The following OPN5 variants were observed in gnomAD, a reference collection of about 807,000 sequenced individuals.
OPN5 encodes opsin 5, also known as opsin-5.
A neutral mutation model predicts 41.7 loss-of-function variants in OPN5; 18 were observed. That is an observed-to-expected ratio of 0.43 (90% CI 0.30 to 0.64). The LOEUF is 0.64. Ranked by LOEUF, OPN5 falls within the 30% of genes least tolerant of loss-of-function variation. OPN5 has a pLI of 0.13. For synonymous variants in OPN5, 178 were observed against 164.3 expected (o/e 1.08, Z -0.64); for missense variants, 318 against 434.5 (o/e 0.73, Z 2.38).
intron 5 of OPN5, among the ~76,000 whole-genome samples, chr6:47,809,958 C>A (rs1181760205): frequency 6.6e-6 from 1 of 152,166 alleles, no homozygotes; most frequent in African/African-American, 2.4e-5. Context: ...GTAATTTTGC[C>A]TCAGACTGCC....
In OPN5 at chr6:47,789,165, C is replaced by T. The variant is rs76950723; in HGVS notation, c.250+2531C>T. ...TAGCACCCACCTGGCTGACACCCAC[C>T]TCAAGCCTTTTAGTTTGCTGTTTCC... is the stretch of plus-strand genomic sequence containing the variant. On this transcript the variant is annotated intron_variant, in intron 2 of 6. Coordinates refer to ENST00000371211, the Ensembl canonical transcript of OPN5. 8.8e-3 allele frequency among the ~76,000 whole-genome samples: 1,333 copies of T among 152,296 alleles called. 13 individuals carry two copies. Among genetic ancestry groups the T allele is most frequent in the Non-Finnish European group, 0.013 (892 of 68,020 alleles).
chr6:47,784,962 C>T (rs1244480218), intron 1 of OPN5, among the ~76,000 whole-genome samples: 1 of 151,980 alleles, frequency 6.6e-6, no homozygotes, highest in Admixed American at 6.6e-5. Flanking sequence ...ATATATATTG[C>T]TTGTTAGAAT....
chr6:47,805,668 G>A (rs183205126), intron 4 of OPN5, among the ~76,000 whole-genome samples: 151 of 152,158 alleles, frequency 9.9e-4, no homozygotes, highest in Non-Finnish European at 1.9e-3. Flanking sequence ...TGAAATGCAC[G>A]GGCACACATA....
chr6:47,812,389 G>A (rs1356167000), intron 6 of OPN5, among the ~76,000 whole-genome samples: 3 of 152,210 alleles, frequency 2.0e-5, no homozygotes, highest in Non-Finnish European at 4.4e-5. Flanking sequence ...AACAGTGGAT[G>A]TAACAGGGCA....
At chr6:47,786,280 G>A (rs1581725281) in intron 1 of OPN5, among the ~76,000 whole-genome samples, 2 of 152,328 alleles carry the variant, frequency 1.3e-5, no homozygotes, top group East Asian at 3.9e-4. Context: ...GGGGAAGTTA[G>A]CGATGCCTTT....
intron 1 of OPN5, among the ~76,000 whole-genome samples, chr6:47,784,347 A>T (rs866608734): frequency 2.6e-5 from 4 of 151,332 alleles, no homozygotes; most frequent in African/African-American, 9.7e-5. Context: ...CCCAGGTTGG[A>T]GTGCAGTGGT....
chr6:47,790,742 C>T (rs1441158874), intron 2 of OPN5, among the ~76,000 whole-genome samples: 2 of 152,072 alleles, frequency 1.3e-5, no homozygotes, highest in Non-Finnish European at 2.9e-5. Context: ...CTTTATTCTC[C>T]AGAGTGCTAT....
intron 6 of OPN5, among the ~76,000 whole-genome samples, chr6:47,823,769 C>G (rs1471320181): frequency 6.6e-6 from 1 of 152,038 alleles, no homozygotes; most frequent in African/African-American, 2.4e-5. Flanking sequence ...GAATTGTGGC[C>G]TTTAGAACAT....
chr6:47,789,696 T>C (rs925767639), intron 2 of OPN5, among the ~76,000 whole-genome samples: 5 of 152,214 alleles, frequency 3.3e-5, no homozygotes, highest in African/African-American at 1.2e-4. Context: ...GCAGAAGGCA[T>C]TCAGTGAATA....
At chr6:47,803,681 T>C (rs1213166671) in intron 4 of OPN5, among the ~76,000 whole-genome samples, 2 of 152,226 alleles carry the variant, frequency 1.3e-5, no homozygotes, top group South Asian at 2.1e-4. Flanking sequence ...TCTTCTAATC[T>C]ATTTTATTAT....
intron 1 of OPN5, among the ~76,000 whole-genome samples, chr6:47,785,816 G>A (rs544558602): frequency 1.3e-5 from 2 of 152,154 alleles, no homozygotes; most frequent in Admixed American, 6.5e-5. Context: ...TGGTAGGTTC[G>A]GTGGGTTGAG....
chr6:47,795,452 CG>C lies in OPN5; in HGVS notation c.646del (p.Val216CysfsTer5). On this transcript the variant is annotated frameshift_variant, in exon 4 of 7. Transcript: ENST00000371211. LOFTEE classifies it high-confidence loss of function. The stretch of plus-strand genomic sequence containing the variant: ...GCCTCTTGCTCCCAACGGCTGTGAT[CG>C]TGTTCTCCTACGTAAAGATCATTGC... The C allele has an allele frequency of 6.2e-7, 1 of 1,614,038 alleles. No homozygotes were observed. The highest frequency in any genetic ancestry group is 8.5e-7 in the Non-Finnish European group (1 of 1,179,946).
intron 3 of OPN5, among the ~76,000 whole-genome samples, chr6:47,792,397 G>A (rs758662396): frequency 1.3e-5 from 2 of 152,178 alleles, no homozygotes; most frequent in African/African-American, 4.8e-5. Context: ...TGTGATTTCA[G>A]AGATAAGGAA....
chr6:47,821,346 TG>T (rs1399682674), intron 6 of OPN5, among the ~76,000 whole-genome samples: 3 of 152,106 alleles, frequency 2.0e-5, no homozygotes, highest in African/African-American at 7.2e-5. Flanking sequence ...CACATGGGTG[TG>T]GGAGGGGATG....
intron 6 of OPN5, among the ~76,000 whole-genome samples, chr6:47,815,083 T>C (rs563413768): frequency 1.4e-3 from 220 of 152,298 alleles, no homozygotes; most frequent in Non-Finnish European, 2.5e-3. Flanking sequence ...AATGCCCTAC[T>C]AACTTGAAAA....
intron 2 of OPN5, among the ~76,000 whole-genome samples, chr6:47,787,775 A>C (rs1275345495): frequency 1.3e-5 from 2 of 152,078 alleles, no homozygotes; most frequent in Non-Finnish European, 2.9e-5. Context: ...GTATTGGGTA[A>C]AACTAAACAA....
At chr6:47,819,346 TATATATAA>T (rs1454212946) in intron 6 of OPN5, among the ~76,000 whole-genome samples, 2 of 97,180 alleles carry the variant, frequency 2.1e-5, no homozygotes, top group Non-Finnish European at 4.4e-5. Context: ...AATATATATA[TATATATAA>T]AAAATATATT....
At chr6:47,810,912 C>T (rs759749524) in intron 5 of OPN5, among the ~76,000 whole-genome samples, 11 of 152,248 alleles carry the variant, frequency 7.2e-5, no homozygotes, top group African/African-American at 1.2e-4. Flanking sequence ...GCTGCCTGGG[C>T]CCCAACTATA....
chr6:47,815,699 G>A (rs1443127086), intron 6 of OPN5, among the ~76,000 whole-genome samples: 1 of 152,040 alleles, frequency 6.6e-6, no homozygotes, highest in Non-Finnish European at 1.5e-5. Flanking sequence ...AATTTGCTAA[G>A]AAAACACATT....
Sources: allele counts gnomAD v4.1 joint callset (sites outside exome capture counted in the v4.1 genomes callset), GRCh38; gene constraint gnomAD v4.1.1; transcripts MANE v1.5; gene names NCBI Gene and HGNC (gene_info 2026-07-23, HGNC 2026-07-21).